The following METTL21C variants were observed in gnomAD, a reference collection of about 807,000 sequenced individuals.
METTL21C encodes methyltransferase 21C, AARS1 lysine.
Under a neutral mutation model 25.9 loss-of-function variants are expected in METTL21C, and 21 were observed. That is an observed-to-expected ratio of 0.81 (90% CI 0.58 to 1.17). METTL21C has a LOEUF of 1.17. Among genes scored for constraint, METTL21C ranks in the 50% most tolerant of loss-of-function variants. The pLI is 0.00. For synonymous variants in METTL21C, 125 were observed against 124.7 expected (o/e 1.00, Z -0.01); for missense variants, 312 against 315.1 (o/e 0.99, Z 0.07).
intron 3 of METTL21C, 131 bp downstream of exon 3, chr13:102,686,809 T>G: frequency 1.4e-6 from 1 of 693,228 alleles, no homozygotes; most frequent in Non-Finnish European, 2.5e-6. Flanking sequence ...TCCTGCCGCA[T>G]GACATTTTGG....
chr13:102,695,261 A>G (rs896680643), upstream of METTL21C, among the ~76,000 whole-genome samples: 4 of 152,162 alleles, frequency 2.6e-5, no homozygotes, highest in Non-Finnish European at 5.9e-5. Context: ...TATCCATGAG[A>G]AGGGACGGGA....
upstream of METTL21C, among the ~76,000 whole-genome samples, chr13:102,698,257 G>T (rs1257624308): frequency 6.6e-6 from 1 of 152,156 alleles, no homozygotes; most frequent in African/African-American, 2.4e-5. Context: ...ATATGGAAAA[G>T]CTGAGCATCT....
the METTL21C span, among the ~76,000 whole-genome samples, chr13:102,703,023 G>T: frequency 6.6e-6 from 1 of 152,174 alleles, no homozygotes; most frequent in Non-Finnish European, 1.5e-5. Context: ...ACATGAAACT[G>T]TCTTTTTCTC....
intron 1 of METTL21C, among the ~76,000 whole-genome samples, chr13:102,692,918 C>A (rs1262748742): frequency 1.3e-5 from 2 of 152,166 alleles, no homozygotes; most frequent in Non-Finnish European, 2.9e-5. Context: ...CAGCTCCCAA[C>A]ACAGGGCTGA....
chr13:102,694,461 C>T lies in METTL21C; in HGVS notation c.38G>A (p.Arg13His), dbSNP rs753242037. ...VCLSSAQQPG[R>H]RGEGLSSPGG... ...CGGGGAGCTGAGTCCTTCCCCCCGG[C>T]GCCCAGGCTGCTGCGCGGAGCTCAG... The change falls in exon 1 of 4, where the codon CGC becomes CAC. Residue 13 changes from arginine (R) to histidine (H), a missense_variant. Transcript: ENST00000267273. 4.6e-5 allele frequency: 67 copies of T among 1,457,750 alleles called. No individual in the cohort carries two copies. The highest frequency in any genetic ancestry group is 2.0e-4 in the Middle Eastern group (1 of 5,090). The allele number at this position is 1,457,750 out of a possible 1,614,324, so 90.3% of individuals were successfully genotyped here.
upstream of METTL21C, among the ~76,000 whole-genome samples, chr13:102,697,320 T>C (rs1885963177): frequency 1.3e-5 from 2 of 151,784 alleles, no homozygotes; most frequent in Non-Finnish European, 1.5e-5. Flanking sequence ...ATTCAGCAAT[T>C]TGGGGGAGAC....
intron 1 of METTL21C, 114 bp from the exon 2 acceptor site, chr13:102,691,078 A>G (rs9518810): frequency 0.1 from 118,018 of 1,177,124 alleles, 7,099 homozygotes; most frequent in Admixed American, 0.24. Flanking sequence ...CATAAAGAGA[A>G]GGGATGATGC....
intron 2 of METTL21C, among the ~76,000 whole-genome samples, chr13:102,687,852 T>C (rs1377738399): frequency 6.6e-6 from 1 of 150,982 alleles, no homozygotes; most frequent in Non-Finnish European, 1.5e-5. Context: ...CAAACTTCCC[T>C]TTCTTCTTTA....
chr13:102,693,967 T>C (rs566023820), intron 1 of METTL21C, among the ~76,000 whole-genome samples: 93 of 152,326 alleles, frequency 6.1e-4, no homozygotes, highest in Middle Eastern at 6.8e-3. Context: ...AACTGTTACA[T>C]TGTCCTAACG....
chr13:102,695,285 C>T (rs1001610377), upstream of METTL21C, among the ~76,000 whole-genome samples: 19 of 152,050 alleles, frequency 1.2e-4, no homozygotes, highest in African/African-American at 4.1e-4. Flanking sequence ...AAAGGCTTAA[C>T]GTTGAATCTG....
chr13:102,686,095 G>A lies in METTL21C; in HGVS notation c.731C>T (p.Thr244Ile), dbSNP rs1885661340. 1 of 1,613,298 alleles carries A rather than the reference G, an allele frequency of 6.2e-7. No individual in the cohort carries two copies. The highest frequency in any genetic ancestry group is 8.5e-7 in the Non-Finnish European group (1 of 1,179,420). Residue 244 changes from threonine (T) to isoleucine (I), a missense_variant, in exon 4 of 4, where the codon ACA becomes ATA. Transcript: ENST00000267273. ...TGACTCTGGATATTCAGCCAACAGT[G>A]TTGTGTCAAAAACTTGCTTGAATTT... ...LDKFKQVFDTTLLAEYPESSV... is the reference protein window; with the variant it reads ...LDKFKQVFDTILLAEYPESSV...
intron 1 of METTL21C, 105 bp from the exon 2 acceptor site, chr13:102,691,069 A>G: frequency 1.5e-6 from 2 of 1,298,880 alleles, no homozygotes; most frequent in South Asian, 2.8e-5. Context: ...TGACCTTTAC[A>G]TAAAGAGAAG....
At chr13:102,698,260 G>A (rs1885977900), upstream of METTL21C, among the ~76,000 whole-genome samples, 1 of 152,120 alleles carries the variant, frequency 6.6e-6, no homozygotes, top group South Asian at 2.1e-4. Flanking sequence ...TGGAAAAGCT[G>A]AGCATCTGAA....
At chr13:102,699,803 C>A (rs974527855), upstream of METTL21C, among the ~76,000 whole-genome samples, 1 of 101,988 alleles carries the variant, frequency 9.8e-6, no homozygotes, top group Non-Finnish European at 2.1e-5. Flanking sequence ...TGCTGCAATA[C>A]CCCCCCGACC....
intron 3 of METTL21C, 125 bp from the exon 4 acceptor site, chr13:102,686,550 A>G: frequency 4.4e-6 from 5 of 1,128,376 alleles, no homozygotes; most frequent in Middle Eastern, 4.8e-4. Context: ...TGGGCTGGAC[A>G]TGTTTGACCT....
rs141387711 is a variant in METTL21C, at chr13:102,685,942, C to A, written c.*89G>T. On this transcript the variant is annotated 3_prime_UTR_variant, in exon 4 of 4. Transcript: ENST00000267273. Reference sequence around the variant, plus strand: ...AAGTTGTTTCTATGCACTACCTTCTCAATCCTGTGAAAGAAGTCTATTACC... The same window carrying A: ...AAGTTGTTTCTATGCACTACCTTCTAAATCCTGTGAAAGAAGTCTATTACC... The A allele has an allele frequency of 4.1e-3, 5,580 of 1,367,418 alleles. 35 individuals are homozygous for A. Among genetic ancestry groups the A allele is most frequent in the Middle Eastern group, 0.037 (143 of 3,880 alleles). The allele number at this position is 1,367,418 out of a possible 1,614,324, so 84.7% of individuals were successfully genotyped here. A position where few individuals can be genotyped will look rare whatever the true frequency, so the allele number is the denominator to read the frequency against.
intron 1 of METTL21C, among the ~76,000 whole-genome samples, chr13:102,691,366 T>C (rs1885828035): frequency 1.3e-5 from 2 of 152,092 alleles, no homozygotes; most frequent in South Asian, 4.2e-4. Context: ...TTTTTTCTTT[T>C]TGAGACAGAG....
In METTL21C at chr13:102,687,866, G is replaced by A. The variant is rs927545731; in HGVS notation, c.283-809C>T. On this transcript the variant is annotated intron_variant, in intron 2 of 3. Transcript: ENST00000267273. Reference sequence around the variant, plus strand: ...TCAAACTTCCCTTTCTTCTTTATTCGTTCTCTTCTCCCTCCACCTTCCTCT... The same window carrying A: ...TCAAACTTCCCTTTCTTCTTTATTCATTCTCTTCTCCCTCCACCTTCCTCT... Among the ~76,000 whole-genome samples, 19 of 152,028 alleles carry A rather than the reference G, an allele frequency of 1.2e-4. No individual in the cohort carries two copies. In the East Asian group the frequency reaches 2.1e-3, roughly 17 times the overall value.
chr13:102,689,222 C>T (rs907050848), intron 2 of METTL21C, among the ~76,000 whole-genome samples: 5 of 152,116 alleles, frequency 3.3e-5, no homozygotes, highest in African/African-American at 1.2e-4. Flanking sequence ...AAGCCACATG[C>T]CCGGCCTCTG....
Sources: allele counts gnomAD v4.1 joint callset (sites outside exome capture counted in the v4.1 genomes callset), GRCh38; gene constraint gnomAD v4.1.1; transcripts MANE v1.5; gene names NCBI Gene and HGNC (gene_info 2026-07-23, HGNC 2026-07-21).